ERC1: variants seen among roughly 807,000 people sequenced by gnomAD.
The protein encoded by ERC1 is ELKS/RAB6-interacting/CAST family member 1.
A neutral mutation model predicts 132.0 loss-of-function variants in ERC1; 56 were observed. The observed-to-expected ratio is 0.42, with a 90% confidence interval of 0.34 to 0.53. The LOEUF (loss-of-function observed/expected upper bound fraction) is 0.53. Among genes scored for constraint, ERC1 ranks in the 20% least tolerant of loss-of-function variants. The pLI is 0.03. For missense variants in ERC1, 1,202 were observed against 1,349.9 expected, an observed-to-expected ratio of 0.89 and a Z score of 1.72; for synonymous variants, 478 against 476.1, an observed-to-expected ratio of 1.00 and a Z score of -0.05.
intron 15 of ERC1, among the ~76,000 whole-genome samples, chr12:1,366,387 T>G (rs918320871): frequency 6.6e-6 from 1 of 152,190 alleles, no homozygotes; most frequent in African/African-American, 2.4e-5. Context: ...GTTAATATCA[T>G]CCAAACTATG....
chr12:1,115,817 GTGTT>G (rs1565997636), intron 6 of ERC1, 45 bp from the exon 7 acceptor site: 5 of 1,483,762 alleles, frequency 3.4e-6, no homozygotes. Flanking sequence ...CAGATAAGAG[GTGTT>G]TGTTTTATTT....
chr12:1,315,669 T>G (rs2081639167), intron 15 of ERC1, among the ~76,000 whole-genome samples: 1 of 152,094 alleles, frequency 6.6e-6, no homozygotes. Flanking sequence ...AAATTTATTC[T>G]CAGACTTATT....
At chr12:1,016,906 C>T (rs1965615617) in intron 1 of ERC1, among the ~76,000 whole-genome samples, 1 of 152,100 alleles carries the variant, frequency 6.6e-6, no homozygotes, top group South Asian at 2.1e-4. Context: ...CTGCCTTGGC[C>T]TCCCAAATTA....
chr12:1,480,867 G>A, intron 18 of ERC1: 1 of 702,436 alleles, frequency 1.4e-6, no homozygotes, highest in Non-Finnish European at 2.6e-6. Context: ...CAAAGCCATG[G>A]AAAAACTGCC....
At chr12:1,014,389 T>C (rs768340379) in intron 1 of ERC1, among the ~76,000 whole-genome samples, 1 of 152,036 alleles carries the variant, frequency 6.6e-6, no homozygotes, top group Non-Finnish European at 1.5e-5. Context: ...TTGCCCAGGC[T>C]GGTCTCGAAC....
intron 15 of ERC1, among the ~76,000 whole-genome samples, chr12:1,350,233 T>C (rs1423053969): frequency 1.3e-5 from 2 of 152,190 alleles, no homozygotes; most frequent in Non-Finnish European, 2.9e-5. Flanking sequence ...CTGAATTTAG[T>C]ATCTAGTGTT....
chr12:1,005,617 C>G (rs922439290), intron 1 of ERC1, among the ~76,000 whole-genome samples: 4 of 152,108 alleles, frequency 2.6e-5, no homozygotes, highest in Non-Finnish European at 5.9e-5. Context: ...TGCCAAGTTT[C>G]TGAATCCATT....
rs756425056 is a variant in ERC1, at chr12:1,112,221, C to A, written c.1324C>A (p.Gln442Lys). The change falls in exon 6 of 19, where the codon CAA becomes AAA. Residue 442 changes from glutamine (Q) to lysine (K), a missense_variant. By Grantham distance (53) the Gln-to-Lys change is moderately conservative. Coordinates refer to ENST00000360905, the MANE Select transcript of ERC1 (RefSeq NM_178040.4). ...AATAATAATGTCGTGACAGGTAGAA[C>A]AACTGAAGGAGGAACTAAGTTCGAA... The part of the protein sequence containing the change: ...HSKFMKNKVE[Q>K]LKEELSSKEA... 1 of 1,608,730 alleles carries A rather than the reference C, an allele frequency of 6.2e-7. No homozygotes were observed. Among genetic ancestry groups the A allele is most frequent in the Non-Finnish European group, 8.5e-7 (1 of 1,175,596 alleles).
chr12:1,204,475 C>T lies in ERC1; in HGVS notation c.2351+14423C>T, dbSNP rs768852139. ...TTTCTAACTTTCTTTTTCACATTTT[C>T]TTCCTGGATTTCCTGTTTCCTTCAG... On this transcript the variant is annotated intron_variant, in intron 12 of 18. Transcript: ENST00000360905. 2.2e-5 allele frequency: 35 copies of T among 1,575,058 alleles called. No individual in the cohort carries two copies. In the South Asian group the frequency reaches 4.0e-4, roughly 18 times the overall value.
At chr12:1,291,590 T>TAAG (rs1163645282) in intron 15 of ERC1, among the ~76,000 whole-genome samples, 1 of 152,222 alleles carries the variant, frequency 6.6e-6, no homozygotes, top group African/African-American at 2.4e-5. Flanking sequence ...GGAGCTAGAA[T>TAAG]AAGACAGAGT....
intron 2 of ERC1, among the ~76,000 whole-genome samples, chr12:1,064,785 T>A: frequency 6.6e-6 from 1 of 152,192 alleles, no homozygotes. Context: ...TTGGGATCTG[T>A]GAATACCAAA....
intron 18 of ERC1, among the ~76,000 whole-genome samples, chr12:1,455,484 A>T (rs969657655): frequency 9.2e-5 from 14 of 152,182 alleles, no homozygotes; most frequent in African/African-American, 3.1e-4. Context: ...CCGATCACTG[A>T]AATTCCAGGT....
In ERC1 at chr12:1,490,132, G is replaced by T; in HGVS notation, c.3253G>T (p.Glu1085Ter). ...AGAGAAAGGTGAACGGGACAATGCA[G>T]AACTGCAGGAGTTTGCCAACGCCAT... ...ELEKGERDNA[E>*]LQEFANAILQ... Residue 1085 changes from glutamate to a stop codon, truncating the protein, a stop_gained, in exon 19 of 19, where the codon GAA (glutamate) becomes TAA (stop). Coordinates refer to ENST00000360905, the MANE Select transcript of ERC1 (RefSeq NM_178040.4). LOFTEE classifies it high-confidence loss of function. 6.2e-7 allele frequency: 1 copy of T among 1,614,184 alleles called. No individual in the cohort carries two copies.
At chr12:1,065,850 C>G (rs746645826) in intron 2 of ERC1, among the ~76,000 whole-genome samples, 89 of 152,148 alleles carry the variant, frequency 5.8e-4, no homozygotes, top group Non-Finnish European at 1.0e-3. Flanking sequence ...GAATGAAGTT[C>G]TGATACATGC....
chr12:1,335,718 T>C (rs979425054), intron 15 of ERC1, among the ~76,000 whole-genome samples: 1 of 152,200 alleles, frequency 6.6e-6, no homozygotes, highest in Non-Finnish European at 1.5e-5. Flanking sequence ...GGTTTTGATA[T>C]CAGGATGATG....
intron 1 of ERC1, among the ~76,000 whole-genome samples, chr12:1,022,043 A>G (rs1159062700): frequency 6.6e-6 from 1 of 152,166 alleles, no homozygotes; most frequent in African/African-American, 2.4e-5. Flanking sequence ...TAAGCTATAC[A>G]TTTTATTTTC....
chr12:1,436,719 C>G (rs2092959861), intron 17 of ERC1, among the ~76,000 whole-genome samples: 1 of 152,182 alleles, frequency 6.6e-6, no homozygotes, highest in African/African-American at 2.4e-5. Context: ...TTATCAATTT[C>G]AATGTTTATG....
At chr12:1,449,704 T>A (rs2093381547) in intron 18 of ERC1, among the ~76,000 whole-genome samples, 1 of 152,190 alleles carries the variant, frequency 6.6e-6, no homozygotes, top group Admixed American at 6.5e-5. Flanking sequence ...AAGGTGGGTT[T>A]CTTGTAGAGA....
At chr12:1,252,484 T>C (rs2076529789) in intron 13 of ERC1, among the ~76,000 whole-genome samples, 1 of 152,210 alleles carries the variant, frequency 6.6e-6, no homozygotes, top group African/African-American at 2.4e-5. Flanking sequence ...TCAGCTACCA[T>C]GATTTTCAAG....
Sources: allele counts gnomAD v4.1 joint callset (sites outside exome capture counted in the v4.1 genomes callset), GRCh38; gene constraint gnomAD v4.1.1; transcripts MANE v1.5; gene names NCBI Gene and HGNC (gene_info 2026-07-23, HGNC 2026-07-21).